Variants in ALK observed in about 807,000 individuals in gnomAD.
The protein encoded by ALK is ALK receptor tyrosine kinase, also known as ALK tyrosine kinase receptor.
Under a neutral mutation model 163.1 loss-of-function variants are expected in ALK, and 74 were observed. The ratio of observed to expected loss-of-function variants is 0.45; its 90% CI spans 0.38 to 0.55. The LOEUF (loss-of-function observed/expected upper bound fraction) is 0.55, where lower values mean the gene tolerates loss of function less well. ALK is among the 20% of genes least tolerant of loss of function. The pLI is 0.00. For synonymous variants in ALK, 960 were observed against 843.2 expected (o/e 1.14, Z -2.40); for missense variants, 2,063 against 2,105.3 (o/e 0.98, Z 0.39).
chr2:29,831,023 AGGG>A, intron 1 of ALK, among the ~76,000 whole-genome samples: 6 of 36,364 alleles, frequency 1.6e-4, no homozygotes, highest in African/African-American at 4.2e-4. Context: ...GGGAAGAGGA[AGGG>A]GAAGGAGGAG....
chr2:29,803,409 GTGAT>G (rs1488240889), intron 1 of ALK, among the ~76,000 whole-genome samples: 18 of 152,192 alleles, frequency 1.2e-4, no homozygotes. Flanking sequence ...CCAGCAACTG[GTGAT>G]TAACTTTGTA....
intron 3 of ALK, among the ~76,000 whole-genome samples, chr2:29,633,132 A>G (rs1371439679): frequency 6.6e-6 from 1 of 150,876 alleles, no homozygotes; most frequent in African/African-American, 2.4e-5. Flanking sequence ...CTGAGCAGAC[A>G]TCTTACACTT....
chr2:29,758,003 CTCT>C (rs1680586701), intron 1 of ALK, among the ~76,000 whole-genome samples: 1 of 145,274 alleles, frequency 6.9e-6, no homozygotes, highest in Non-Finnish European at 1.5e-5. Context: ...TACCCGCATC[CTCT>C]TTTTTTTTTT....
chr2:29,211,670 A>C (rs1468192344), intron 24 of ALK, among the ~76,000 whole-genome samples: 1 of 152,232 alleles, frequency 6.6e-6, no homozygotes, highest in Non-Finnish European at 1.5e-5. Flanking sequence ...AGGGAGAGAG[A>C]GAATTCGAGG....
At chr2:29,204,494 G>T (rs982956728) in intron 26 of ALK, among the ~76,000 whole-genome samples, 5 of 151,454 alleles carry the variant, frequency 3.3e-5, no homozygotes, top group Non-Finnish European at 5.9e-5. Context: ...ATTAGACTGT[G>T]GTTACGGGAT....
rs554236376 is a variant in ALK, at chr2:29,726,053, C to T, written c.668-8356G>A. On this transcript the variant is annotated intron_variant, in intron 1 of 28. Coordinates refer to ENST00000389048, the MANE Select transcript of ALK (RefSeq NM_004304.5). ...GCCCTACCTAACTGGCCAAGGTGGA[C>T]TCACACTGGCTTTTGGTAGCTGTGG... 2.9e-4 allele frequency among the ~76,000 whole-genome samples: 44 copies of T among 152,326 alleles called. 1 individual carries two copies. Among genetic ancestry groups the T allele is most frequent in the African/African-American group, 9.9e-4 (41 of 41,564 alleles).
intron 3 of ALK, among the ~76,000 whole-genome samples, chr2:29,629,324 A>T (rs2148235613): frequency 6.6e-6 from 1 of 152,236 alleles, no homozygotes; most frequent in Admixed American, 6.5e-5. Context: ...AAAACTTGAG[A>T]CCCTCAGGAA....
chr2:29,738,241 C>T (rs1269687833), intron 1 of ALK, among the ~76,000 whole-genome samples: 1 of 151,984 alleles, frequency 6.6e-6, no homozygotes, highest in African/African-American at 2.4e-5. Context: ...CAAAAAGTCC[C>T]AGCCCCCATG....
chr2:29,378,910 G>A (rs183860210), intron 5 of ALK, among the ~76,000 whole-genome samples: 108 of 152,176 alleles, frequency 7.1e-4, no homozygotes, highest in African/African-American at 2.5e-3. Context: ...ATGGGGTTTC[G>A]CGACGTTGGC....
chr2:29,562,290 A>G (rs566808248), intron 3 of ALK, among the ~76,000 whole-genome samples: 1 of 152,328 alleles, frequency 6.6e-6, no homozygotes, highest in Non-Finnish European at 1.5e-5. Flanking sequence ...CATCTGGACA[A>G]AGACTGATTC....
chr2:29,274,215 G>T (rs1280127326), intron 11 of ALK, among the ~76,000 whole-genome samples: 3 of 152,166 alleles, frequency 2.0e-5, no homozygotes, highest in African/African-American at 7.2e-5. Context: ...TGTGGCAAAG[G>T]TATGGACCTC....
chr2:29,887,732 G>T (rs762309086), intron 1 of ALK, among the ~76,000 whole-genome samples: 2 of 152,168 alleles, frequency 1.3e-5, no homozygotes, highest in Admixed American at 1.3e-4. Flanking sequence ...GGGTAGGAAA[G>T]GCTTGACAAG....
intron 4 of ALK, among the ~76,000 whole-genome samples, chr2:29,424,799 T>TA (rs1670096394): frequency 6.6e-6 from 1 of 152,198 alleles, no homozygotes; most frequent in African/African-American, 2.4e-5. Context: ...AACCAACATT[T>TA]ACTAATGGTA....
intron 2 of ALK, among the ~76,000 whole-genome samples, chr2:29,715,061 C>A (rs1313248571): frequency 2.0e-5 from 3 of 152,202 alleles, no homozygotes; most frequent in African/African-American, 4.8e-5. Flanking sequence ...AAGGGCCAAC[C>A]CTTACCTGTC....
chr2:29,817,182 AC>A (rs1336655381), intron 1 of ALK, among the ~76,000 whole-genome samples: 1 of 151,308 alleles, frequency 6.6e-6, no homozygotes, highest in Non-Finnish European at 1.5e-5. Flanking sequence ...AGGTTTACAT[AC>A]AAGAGGAGGT....
intron 1 of ALK, among the ~76,000 whole-genome samples, chr2:29,829,958 A>G (rs1053635069): frequency 6.6e-6 from 1 of 152,194 alleles, no homozygotes; most frequent in African/African-American, 2.4e-5. Context: ...CATTAAGTTG[A>G]TGCCATAATT....
intron 3 of ALK, among the ~76,000 whole-genome samples, chr2:29,538,911 T>C (rs1673334482): frequency 6.6e-6 from 1 of 152,342 alleles, no homozygotes; most frequent in East Asian, 1.9e-4. Flanking sequence ...AATTATCTTC[T>C]ACACCTTACG....
intron 5 of ALK, among the ~76,000 whole-genome samples, chr2:29,361,975 C>T (rs145449299): frequency 2.1e-4 from 32 of 152,148 alleles, no homozygotes; most frequent in African/African-American, 7.2e-4. Context: ...TCTGACCCTG[C>T]CCCAAGTAAT....
chr2:29,737,084 T>A (rs975883303), intron 1 of ALK, among the ~76,000 whole-genome samples: 2 of 152,130 alleles, frequency 1.3e-5, no homozygotes, highest in Non-Finnish European at 2.9e-5. Context: ...AAAAGCGTTT[T>A]GTAGAAATTT....
Sources: gnomAD v4.1 joint callset for allele counts (sites outside exome capture counted in the v4.1 genomes callset) on GRCh38, gnomAD v4.1.1 for gene constraint, MANE v1.5 for transcripts, NCBI Gene and HGNC (gene_info 2026-07-23, HGNC 2026-07-21) for gene names.